NVL: variants seen among roughly 807,000 people sequenced by gnomAD.
NVL encodes nuclear VCP like.
A neutral mutation model predicts 110.2 loss-of-function variants in NVL; 84 were observed. The ratio of observed to expected loss-of-function variants is 0.76; its 90% CI spans 0.64 to 0.91. NVL has a LOEUF of 0.91. Ranked by LOEUF, NVL falls within the 40% of genes least tolerant of loss-of-function variation. The probability of loss-of-function intolerance (pLI) is 0.00; values close to 1 mark genes in which losing one functional copy is unlikely to be tolerated. For synonymous variants in NVL, 354 were observed against 361.1 expected (o/e 0.98, Z 0.22); for missense variants, 882 against 1,035.9 (o/e 0.85, Z 2.04).
intron 19 of NVL, among the ~76,000 whole-genome samples, chr1:224,237,961 C>CAAAAAA (rs200152434): frequency 7.4e-6 from 1 of 135,730 alleles, no homozygotes; most frequent in South Asian, 2.2e-4. Context: ...GACTTGGTTT[C>CAAAAAA]AAAAAAAAAA....
chr1:224,290,896 G>A (rs1239054319), intron 12 of NVL, among the ~76,000 whole-genome samples: 2 of 152,026 alleles, frequency 1.3e-5, no homozygotes, highest in Admixed American at 6.6e-5. Flanking sequence ...CTTGAACCGG[G>A]AGGCAGAGGT....
chr1:224,330,068 C>A lies in NVL; in HGVS notation c.57+3G>T. 6.2e-7 allele frequency: 1 copy of A among 1,614,130 alleles called. No individual in the cohort carries two copies. The highest frequency in any genetic ancestry group is 8.5e-7 in the Non-Finnish European group (1 of 1,179,988). ...GCGAGGCCAAGCGGTGCAGAATACA[C>A]ACCTGGATGACTCGCTGCTTGAGTT... On this transcript the variant is annotated splice_donor_region_variant and intron_variant, in intron 1 of 22. Coordinates refer to ENST00000281701, the MANE Select transcript of NVL (RefSeq NM_002533.4).
intron 11 of NVL, among the ~76,000 whole-genome samples, chr1:224,295,960 C>CA (rs942085228): frequency 0.05 from 1,922 of 38,782 alleles, 57 homozygotes; most frequent in African/African-American, 0.078. Flanking sequence ...GACTCTGTCT[C>CA]AAAAAAAAAA....
At chr1:224,283,252 C>T (rs2102603977) in intron 15 of NVL, among the ~76,000 whole-genome samples, 1 of 152,288 alleles carries the variant, frequency 6.6e-6, no homozygotes, top group East Asian at 1.9e-4. Flanking sequence ...CTTTGGGAGG[C>T]TGACACGGGT....
chr1:224,293,385 T>TA (rs1374294674), intron 12 of NVL, among the ~76,000 whole-genome samples: 6 of 152,168 alleles, frequency 3.9e-5, no homozygotes, highest in African/African-American at 1.4e-4. Flanking sequence ...ATTTCTTAAC[T>TA]AGATTTCCAC....
chr1:224,326,289 C>T, intron 2 of NVL, 102 bp downstream of exon 2: 3 of 732,232 alleles, frequency 4.1e-6, no homozygotes, highest in South Asian at 3.8e-5. Flanking sequence ...GAACTAATGC[C>T]AGCAGCTACT....
At chr1:224,261,564 G>A (rs1288531279) in intron 18 of NVL, among the ~76,000 whole-genome samples, 1 of 152,152 alleles carries the variant, frequency 6.6e-6, no homozygotes, top group African/African-American at 2.4e-5. Flanking sequence ...AGAGACTAAG[G>A]TTAGGGTACA....
intron 3 of NVL, 27 bp from the exon 4 acceptor site, chr1:224,317,820 G>A (rs1670240531): frequency 1.3e-6 from 2 of 1,558,744 alleles, no homozygotes; most frequent in South Asian, 2.3e-5. Context: ...AACGCTATGA[G>A]CTAAAACAAT....
At chr1:224,268,878 C>G (rs2405054) in intron 17 of NVL, among the ~76,000 whole-genome samples, 151,987 of 152,004 alleles carry the variant, frequency 1, 75,985 homozygotes, top group Non-Finnish European at 1. Context: ...GGCTGGTCTT[C>G]AAACTCCTGA....
At chr1:224,252,522 G>A (rs1662618171) in intron 18 of NVL, among the ~76,000 whole-genome samples, 1 of 151,994 alleles carries the variant, frequency 6.6e-6, no homozygotes, top group South Asian at 2.1e-4. Flanking sequence ...TCTACAAAGA[G>A]GTAAATTATT....
chr1:224,293,687 G>T (rs1382299359), intron 12 of NVL, among the ~76,000 whole-genome samples: 1 of 152,174 alleles, frequency 6.6e-6, no homozygotes, highest in African/African-American at 2.4e-5. Flanking sequence ...CCACTAACCT[G>T]GTCAGCCAAC....
chr1:224,304,844 T>G, intron 7 of NVL, 32 bp from the exon 8 acceptor site: 2 of 1,574,812 alleles, frequency 1.3e-6, no homozygotes, highest in Non-Finnish European at 1.7e-6. Flanking sequence ...ATGAAAAGAT[T>G]AATGATTCAG....
intron 4 of NVL, among the ~76,000 whole-genome samples, chr1:224,313,801 G>T (rs917027997): frequency 6.6e-6 from 1 of 152,090 alleles, no homozygotes; most frequent in Non-Finnish European, 1.5e-5. Flanking sequence ...TCAGGAGTTC[G>T]AGACCAGCCT....
chr1:224,251,749 TCAC>T (rs1252558250), intron 18 of NVL, among the ~76,000 whole-genome samples: 1 of 152,070 alleles, frequency 6.6e-6, no homozygotes, highest in Non-Finnish European at 1.5e-5. Flanking sequence ...CAGATAATGA[TCAC>T]CACACCACTC....
intron 18 of NVL, among the ~76,000 whole-genome samples, chr1:224,253,299 C>T (rs1571839093): frequency 6.6e-6 from 1 of 151,852 alleles, no homozygotes; most frequent in Non-Finnish European, 1.5e-5. Context: ...ATCCACCCGC[C>T]TTAGCCTCCC....
intron 19 of NVL, among the ~76,000 whole-genome samples, chr1:224,241,908 T>C (rs1661243962): frequency 6.6e-6 from 1 of 150,920 alleles, no homozygotes. Context: ...GGCAGGCACC[T>C]GTAATCCCAG....
rs572448581 is a variant in NVL at position 224,300,630 on chromosome 1, G to T, written c.994C>A (p.Pro332Thr). Residue 332 changes from proline (P) to threonine (T), a missense_variant, in exon 10 of 23, where the codon CCA becomes ACA. Coordinates refer to ENST00000281701, the MANE Select transcript of NVL (RefSeq NM_002533.4). ...CCGGATACTCCAGACACAATCTCTG[G>T]AGCAGCCACTTTCAAAATTGGCAGG... ...LDLPILKVAA[P>T]EIVSGVSGES... The T allele has an allele frequency of 6.2e-7, 1 of 1,613,642 alleles. No homozygotes were observed. The highest frequency in any genetic ancestry group is 2.2e-5 in the East Asian group (1 of 44,878).
chr1:224,265,285 C>G (rs1019561993), intron 18 of NVL, among the ~76,000 whole-genome samples: 1 of 151,962 alleles, frequency 6.6e-6, no homozygotes, highest in African/African-American at 2.4e-5. Flanking sequence ...AAGGCAGATC[C>G]TCTGAGGTCA....
At chr1:224,271,353 G>A (rs1221536163) in intron 17 of NVL, among the ~76,000 whole-genome samples, 2 of 151,976 alleles carry the variant, frequency 1.3e-5, no homozygotes, top group Non-Finnish European at 2.9e-5. Context: ...GCTGGGTGTG[G>A]TGGTGCACAC....
Sources: allele counts gnomAD v4.1 joint callset (sites outside exome capture counted in the v4.1 genomes callset), GRCh38; gene constraint gnomAD v4.1.1; transcripts MANE v1.5; gene names NCBI Gene and HGNC (gene_info 2026-07-23, HGNC 2026-07-21).